The following MAGI3 variants were observed in gnomAD, a reference collection of about 807,000 sequenced individuals.
MAGI3 encodes membrane-associated guanylate kinase, WW and PDZ domain-containing protein 3.
A neutral mutation model predicts 121.8 loss-of-function variants in MAGI3; 43 were observed. The observed-to-expected ratio is 0.35, with a 90% CI of 0.28 to 0.46. MAGI3 has a LOEUF of 0.46. Ranked by LOEUF, MAGI3 falls within the 20% of genes least tolerant of loss-of-function variation. The pLI, the probability that MAGI3 is intolerant of heterozygous loss-of-function variation, is 1.00. For synonymous variants in MAGI3, 553 were observed against 639.3 expected (o/e 0.86, Z 2.04); for missense variants, 1,547 against 1,797.3 (o/e 0.86, Z 2.52).
chr1:113,656,851 T>C (rs907046520), intron 15 of MAGI3, among the ~76,000 whole-genome samples: 3 of 152,190 alleles, frequency 2.0e-5, no homozygotes, highest in Admixed American at 6.5e-5. Flanking sequence ...AGATCAGGGA[T>C]CCAGGTCTAG....
chr1:113,565,644 C>G (rs148225682), intron 2 of MAGI3, among the ~76,000 whole-genome samples: 2,818 of 152,312 alleles, frequency 0.019, 54 homozygotes, highest in Non-Finnish European at 0.027. Flanking sequence ...TGTGTTGAAA[C>G]TGCCAATTTA....
intron 4 of MAGI3, 93 bp downstream of exon 4, chr1:113,585,689 A>G (rs1046126517): frequency 9.3e-7 from 1 of 1,072,416 alleles, no homozygotes; most frequent in Non-Finnish European, 1.4e-6. Flanking sequence ...TACAAAGCAT[A>G]TGGAGAGCAA....
intron 1 of MAGI3, among the ~76,000 whole-genome samples, chr1:113,536,877 C>T (rs1659033090): frequency 6.6e-6 from 1 of 152,126 alleles, no homozygotes; most frequent in Non-Finnish European, 1.5e-5. Flanking sequence ...CTCCTTTTCT[C>T]CTTCACTACC....
At chr1:113,416,284 T>TAATTATGTA (rs1309192622) in intron 1 of MAGI3, among the ~76,000 whole-genome samples, 1 of 27,864 alleles carries the variant, frequency 3.6e-5, no homozygotes, top group African/African-American at 2.1e-4. Flanking sequence ...TAATTACACA[T>TAATTATGTA]ATTAATTATG....
intron 1 of MAGI3, among the ~76,000 whole-genome samples, chr1:113,416,465 A>AGAAC (rs1570644789): frequency 9.0e-5 from 1 of 11,168 alleles, no homozygotes; most frequent in African/African-American, 2.3e-4. Context: ...TTAATTATAT[A>AGAAC]TAATTTATAA....
chr1:113,505,557 T>TAAATAA (rs1311098939), intron 1 of MAGI3, among the ~76,000 whole-genome samples: 131 of 64,316 alleles, frequency 2.0e-3, no homozygotes, highest in Middle Eastern at 8.3e-3. Context: ...TAAATAAATA[T>TAAATAA]ATAATGTCAG....
At chr1:113,554,260 A>T (rs1397757566) in intron 2 of MAGI3, among the ~76,000 whole-genome samples, 1 of 151,548 alleles carries the variant, frequency 6.6e-6, no homozygotes, top group African/African-American at 2.4e-5. Flanking sequence ...TAATGAAGAG[A>T]AAAATTATAT....
chr1:113,671,048 TAGGTGCAGGC>T (rs1571029181), intron 16 of MAGI3, among the ~76,000 whole-genome samples: 1 of 152,350 alleles, frequency 6.6e-6, no homozygotes, highest in African/African-American at 2.4e-5. Flanking sequence ...CATCTAGTTC[TAGGTGCAGGC>T]AGTCACTATG....
intron 1 of MAGI3, among the ~76,000 whole-genome samples, chr1:113,496,596 T>G (rs1485404400): frequency 6.6e-6 from 1 of 152,254 alleles, no homozygotes; most frequent in Non-Finnish European, 1.5e-5. Context: ...TTTATCTGTT[T>G]ATTGATCTAT....
chr1:113,454,368 G>A (rs1321913257), intron 1 of MAGI3, among the ~76,000 whole-genome samples: 1 of 152,166 alleles, frequency 6.6e-6, no homozygotes, highest in Non-Finnish European at 1.5e-5. Context: ...AAGCTAACAA[G>A]TATGACCTGT....
chr1:113,450,340 A>G, intron 1 of MAGI3: 7 of 1,387,568 alleles, frequency 5.0e-6, no homozygotes, highest in East Asian at 2.3e-5. Context: ...TGGAGGAGCT[A>G]TGGTGGTGGA....
intron 1 of MAGI3, among the ~76,000 whole-genome samples, chr1:113,541,645 G>A (rs1411362743): frequency 1.3e-5 from 2 of 152,144 alleles, no homozygotes; most frequent in African/African-American, 2.4e-5. Context: ...CTTTTAAGTA[G>A]GAGACAGACT....
At chr1:113,510,015 G>A (rs1657537105) in intron 1 of MAGI3, among the ~76,000 whole-genome samples, 1 of 152,138 alleles carries the variant, frequency 6.6e-6, no homozygotes, top group African/African-American at 2.4e-5. Context: ...TCATAGAAAT[G>A]ATGTCATTGT....
intron 2 of MAGI3, among the ~76,000 whole-genome samples, chr1:113,553,981 C>G (rs1352175465): frequency 6.6e-6 from 1 of 152,154 alleles, no homozygotes; most frequent in East Asian, 1.9e-4. Context: ...TGCACTCCAG[C>G]CTGGTGACAG....
rs750667685 is a variant in MAGI3, at chr1:113,682,936, T to C, written c.3368T>C (p.Ile1123Thr). Residue 1123 changes from isoleucine to threonine, a missense_variant, in exon 21 of 21, where the codon ATT (isoleucine) becomes ACT (threonine). Transcript: ENST00000307546. ...DINNPSSSNV[I>T]YDEQSPLPPS... is the part of the protein sequence containing the mutation. ...AATAATCCTTCGTCTTCAAATGTGATTTATGATGAACAGTCACCATTACCC... is the reference window on the plus strand; with the variant it reads ...AATAATCCTTCGTCTTCAAATGTGACTTATGATGAACAGTCACCATTACCC... The C allele has an allele frequency of 2.5e-6, 4 of 1,600,226 alleles. No homozygotes were observed. In the South Asian group the frequency reaches 3.4e-5, roughly 14 times the overall value.
rs111507182 is a variant in MAGI3 at position 113,448,947 on chromosome 1, C to T, written c.316+57598C>T. On this transcript the variant is annotated intron_variant, in intron 1 of 20. Transcript: ENST00000307546. ...CAGCCTGACCAACATAGAGAAACCC[C>T]ATCTCTACTAAAAATACAAAATTAG... 1.6e-3 allele frequency among the ~76,000 whole-genome samples: 246 copies of T among 151,964 alleles called. 1 individual carries two copies. Among genetic ancestry groups the T allele is most frequent in the African/African-American group, 5.7e-3 (237 of 41,458 alleles).
intron 2 of MAGI3, among the ~76,000 whole-genome samples, chr1:113,565,657 GACTT>G (rs762434908): frequency 4.6e-5 from 7 of 152,292 alleles, no homozygotes; most frequent in Middle Eastern, 3.4e-3. Flanking sequence ...CCAATTTAAG[GACTT>G]ACTTAGCCTC....
At chr1:113,656,199 C>G (rs1653461202) in intron 15 of MAGI3, among the ~76,000 whole-genome samples, 1 of 152,090 alleles carries the variant, frequency 6.6e-6, no homozygotes, top group Non-Finnish European at 1.5e-5. Flanking sequence ...AGTTAATAAT[C>G]TCATAAAATG....
chr1:113,486,210 G>A (rs985987421), intron 1 of MAGI3, among the ~76,000 whole-genome samples: 7 of 152,036 alleles, frequency 4.6e-5, no homozygotes, highest in Admixed American at 4.6e-4. Flanking sequence ...GAATGATGGT[G>A]GTATTTTGAT....
Sources: gnomAD v4.1 joint callset for allele counts (sites outside exome capture counted in the v4.1 genomes callset) on GRCh38, gnomAD v4.1.1 for gene constraint, MANE v1.5 for transcripts, NCBI Gene and HGNC (gene_info 2026-07-23, HGNC 2026-07-21) for gene names.